Variants in AGAP1 observed in about 807,000 individuals in gnomAD.
AGAP1 encodes ArfGAP with GTPase domain, ankyrin repeat and PH domain 1.
In AGAP1, 29 loss-of-function variants were observed where a neutral mutation model predicts 105.3. That is an observed-to-expected ratio of 0.28 (90% CI 0.21 to 0.38). The LOEUF (loss-of-function observed/expected upper bound fraction) is 0.38. Ranked by LOEUF, AGAP1 falls within the 10% of genes least tolerant of loss-of-function variation. The pLI is 1.00. For synonymous variants in AGAP1, 509 were observed against 485.9 expected (o/e 1.05, Z -0.63); for missense variants, 998 against 1,165.1 (o/e 0.86, Z 2.09).
At chr2:235,858,302 A>G (rs2048770424) in intron 9 of AGAP1, among the ~76,000 whole-genome samples, 1 of 152,250 alleles carries the variant, frequency 6.6e-6, no homozygotes, top group South Asian at 2.1e-4. Flanking sequence ...ATAATGCTAT[A>G]GAACATGAAC....
chr2:235,778,373 C>T (rs1956040658), intron 6 of AGAP1, among the ~76,000 whole-genome samples: 1 of 152,326 alleles, frequency 6.6e-6, no homozygotes, highest in Non-Finnish European at 1.5e-5. Flanking sequence ...CACGTCTAAT[C>T]AGACAGCATC....
intron 6 of AGAP1, among the ~76,000 whole-genome samples, chr2:235,786,297 C>T (rs1956629814): frequency 6.6e-6 from 1 of 152,290 alleles, no homozygotes; most frequent in African/African-American, 2.4e-5. Context: ...TTAATTGTAG[C>T]ATTTGAAATG....
intron 3 of AGAP1, among the ~76,000 whole-genome samples, chr2:235,726,283 G>A (rs576680884): frequency 6.6e-6 from 1 of 152,300 alleles, no homozygotes; most frequent in South Asian, 2.1e-4. Context: ...AGGCTCATGT[G>A]TGTCCCTTCA....
rs2055591117 is a variant in AGAP1 at position 235,992,113 on chromosome 2, AC to A, written c.1645+23493del. Among the ~76,000 whole-genome samples, 2 of 152,136 alleles carry A rather than the reference AC, an allele frequency of 1.3e-5. No individual in the cohort carries two copies. Among genetic ancestry groups the A allele is most frequent in the South Asian group, 4.1e-4 (2 of 4,822 alleles). Reference sequence around the variant, plus strand: ...GGGTTGTGATGGTGGCCATCACGAGACCCAGATAACAGGAGTGGTTAGAAGC... The same window carrying A: ...GGGTTGTGATGGTGGCCATCACGAGACCAGATAACAGGAGTGGTTAGAAGC... On this transcript the variant is annotated intron_variant, in intron 13 of 17. Transcript: ENST00000304032. This position sits in a 1 kb window ranked among gnomAD's most constrained non-coding sequence, Gnocchi z 4.8.
chr2:236,030,579 C>T (rs999373267), intron 13 of AGAP1, among the ~76,000 whole-genome samples: 1 of 152,180 alleles, frequency 6.6e-6, no homozygotes, highest in African/African-American at 2.4e-5. Context: ...CTCAGGGTAG[C>T]CTTCACTTTT....
At chr2:235,650,736 C>A (rs1947555741) in intron 1 of AGAP1, among the ~76,000 whole-genome samples, 1 of 152,128 alleles carries the variant, frequency 6.6e-6, no homozygotes, top group African/African-American at 2.4e-5. Flanking sequence ...GTGTTTTTTG[C>A]AGATTGCAAA....
chr2:235,840,355 G>A (rs1046364214), intron 9 of AGAP1, among the ~76,000 whole-genome samples: 6 of 152,234 alleles, frequency 3.9e-5, no homozygotes, highest in Non-Finnish European at 5.9e-5. Flanking sequence ...ATAACACGGC[G>A]ACATTTATGT....
intron 1 of AGAP1, among the ~76,000 whole-genome samples, chr2:235,697,193 C>T (rs1420858388): frequency 1.3e-5 from 2 of 152,072 alleles, no homozygotes; most frequent in Non-Finnish European, 1.5e-5. Flanking sequence ...CTGGAAGAAC[C>T]GGAGGCAGCC....
rs77585091 is a variant in AGAP1 at position 235,769,156 on chromosome 2, C to T, written c.673+18668C>T. On this transcript the variant is annotated intron_variant, in intron 6 of 17. Coordinates refer to ENST00000304032, the MANE Select transcript of AGAP1 (RefSeq NM_001037131.3). This position sits in a 1 kb window ranked among gnomAD's most constrained non-coding sequence, Gnocchi z 4.4. ...TTCTGGGTTCTTAGTGCCCGTCCCCCGTAGCTCCGTCACACAGTCCTGTTG... is the reference window on the plus strand; with the variant it reads ...TTCTGGGTTCTTAGTGCCCGTCCCCTGTAGCTCCGTCACACAGTCCTGTTG... Among the ~76,000 whole-genome samples the T allele has an allele frequency of 8.0e-3, 1,212 of 152,240 alleles. 18 individuals are homozygous for T. The highest frequency in any genetic ancestry group is 0.028 in the African/African-American group (1,163 of 41,548).
rs1388037440 is a variant in AGAP1, at chr2:235,732,761, C to T, written c.311-8202C>T. 6.6e-6 allele frequency among the ~76,000 whole-genome samples: 1 copy of T among 152,144 alleles called. No individual in the cohort carries two copies. The highest frequency in any genetic ancestry group is 1.5e-5 in the Non-Finnish European group (1 of 68,034). ...ACTTCTCCCTCATTCTGAGTCAAAT[C>T]TAGGCTGTTGGGAGCCCGTGACCGC... On this transcript the variant is annotated intron_variant, in intron 3 of 17. Transcript: ENST00000304032. This position sits in a 1 kb window ranked among gnomAD's most constrained non-coding sequence, Gnocchi z 4.8.
chr2:235,765,275 TG>T (rs1954846838), intron 6 of AGAP1, among the ~76,000 whole-genome samples: 1 of 25,232 alleles, frequency 4.0e-5, no homozygotes, highest in Admixed American at 5.4e-4. Context: ...TCCGTGGGGG[TG>T]GGGGTATCTG....
rs559268409 is a variant in AGAP1 at position 236,079,387 on chromosome 2, A to C, written c.2114+30106A>C. Among the ~76,000 whole-genome samples the C allele has an allele frequency of 2.6e-3, 393 of 151,020 alleles. 1 individual carries two copies. Among genetic ancestry groups the C allele is most frequent in the Non-Finnish European group, 4.6e-3 (313 of 67,780 alleles). On this transcript the variant is annotated intron_variant, in intron 16 of 17. Transcript: ENST00000304032. ...AGAAAATTTAAAAAAAAAAAAAAAA[A>C]AACAGGCATGGTGGCATGTGCCTGT... is the stretch of plus-strand genomic sequence containing the variant.
intron 16 of AGAP1, among the ~76,000 whole-genome samples, chr2:236,077,685 T>A (rs989710807): frequency 6.6e-6 from 1 of 152,240 alleles, no homozygotes; most frequent in Non-Finnish European, 1.5e-5. Flanking sequence ...GAGCCGTCAT[T>A]ACATAGTCAT....
Position 236,040,472 on chromosome 2 carries a change from C to A in AGAP1, c.1801-279C>A. 3.9e-6 allele frequency: 2 copies of A among 517,288 alleles called. No individual in the cohort carries two copies. Among genetic ancestry groups the A allele is most frequent in the Non-Finnish European group, 3.5e-6 (1 of 288,356 alleles). The allele number at this position is 517,288 out of a possible 1,614,324, so 32.0% of individuals were successfully genotyped here. A position where few individuals can be genotyped will look rare whatever the true frequency, so the allele number is the denominator to read the frequency against. ...GGTTACCATGGTCCATGCGTATTCA[C>A]AGATGATCCAGAACTCTCCTCTTTG... On this transcript the variant is annotated intron_variant, in intron 14 of 17. Coordinates refer to ENST00000304032, the MANE Select transcript of AGAP1 (RefSeq NM_001037131.3). This position sits in a 1 kb window ranked among gnomAD's most constrained non-coding sequence, Gnocchi z 5.6.
Position 235,891,795 on chromosome 2 carries a change from G to A in AGAP1, c.1155+8346G>A, listed in dbSNP as rs2050558562. ...GGCTTCCTCAGGAGGTCGTTTGGCA[G>A]CTGTGAAACTCCTCCCCTCCGGGCC... is the stretch of plus-strand genomic sequence containing the variant. On this transcript the variant is annotated intron_variant, in intron 10 of 17. Transcript: ENST00000304032. The surrounding 1 kb of genome is among the most constrained non-coding windows in gnomAD (Gnocchi z 4.2). Among the ~76,000 whole-genome samples, 1 of 152,110 alleles carries A rather than the reference G, an allele frequency of 6.6e-6. No homozygotes were observed. Among genetic ancestry groups the A allele is most frequent in the Admixed American group, 6.5e-5 (1 of 15,270 alleles).
In AGAP1 at chr2:235,737,361, T is replaced by C. The variant is rs62190868; in HGVS notation, c.311-3602T>C. 0.012 allele frequency among the ~76,000 whole-genome samples: 1,754 copies of C among 152,372 alleles called. 13 individuals carry two copies. The highest frequency in any genetic ancestry group is 0.019 in the Non-Finnish European group (1,270 of 68,032). On this transcript the variant is annotated intron_variant, in intron 3 of 17. Coordinates refer to ENST00000304032, the MANE Select transcript of AGAP1 (RefSeq NM_001037131.3). The surrounding 1 kb of genome is among the most constrained non-coding windows in gnomAD (Gnocchi z 4.5). The stretch of plus-strand genomic sequence containing the variant: ...AAAGAACTGTTAATTATACTCTGTA[T>C]CTGCCGGGGGAATGTAAACTGACTT...
rs767684004 is a variant in AGAP1, at chr2:236,078,282, G to A, written c.2114+29001G>A. On this transcript the variant is annotated intron_variant, in intron 16 of 17. Transcript: ENST00000304032. The surrounding 1 kb of genome is among the most constrained non-coding windows in gnomAD (Gnocchi z 5.3). ...GCTTGATGTAGGATTTCATCATCACGAAACCTGTTTTTTGCTCTTTGGGCT... is the reference window on the plus strand; with the variant it reads ...GCTTGATGTAGGATTTCATCATCACAAAACCTGTTTTTTGCTCTTTGGGCT... 8.5e-5 allele frequency among the ~76,000 whole-genome samples: 13 copies of A among 152,204 alleles called. No homozygotes were observed. Among genetic ancestry groups the A allele is most frequent in the Middle Eastern group, 3.4e-3 (1 of 294 alleles).
Position 235,662,549 on chromosome 2 carries a change from C to G in AGAP1, c.164-46630C>G, listed in dbSNP as rs1044463022. On this transcript the variant is annotated intron_variant, in intron 1 of 17. Transcript: ENST00000304032. The surrounding 1 kb of genome is among the most constrained non-coding windows in gnomAD (Gnocchi z 4.2). ...TTTTTTTTTTTTTGGCTCTGTTGCC[C>G]AGGCTGGATTGCAGTGGTGGCATCT... 8.8e-5 allele frequency among the ~76,000 whole-genome samples: 13 copies of G among 148,558 alleles called. No homozygotes were observed. Among genetic ancestry groups the G allele is most frequent in the Non-Finnish European group, 1.8e-4 (12 of 67,594 alleles).
chr2:236,043,755 T>G (rs1311858746), intron 15 of AGAP1, among the ~76,000 whole-genome samples: 1 of 151,258 alleles, frequency 6.6e-6, no homozygotes, highest in East Asian at 2.0e-4. Context: ...GGTGCTTAAT[T>G]GAGATAAAGA....
Sources: allele counts gnomAD v4.1 joint callset (sites outside exome capture counted in the v4.1 genomes callset), GRCh38; gene constraint gnomAD v4.1.1; non-coding constraint Gnocchi (gnomAD v3.1); transcripts MANE v1.5; gene names NCBI Gene and HGNC (gene_info 2026-07-23, HGNC 2026-07-21).